Variants in CPED1 observed in about 807,000 individuals in gnomAD.
CPED1 encodes the protein cadherin-like and PC-esterase domain-containing protein 1.
CPED1 carries 114 observed loss-of-function variants against 128.2 expected under a neutral mutation model. The ratio of observed to expected loss-of-function variants is 0.89; its 90% confidence interval spans 0.76 to 1.04. CPED1 has a LOEUF of 1.04. CPED1 is among the 50% of genes least tolerant of loss of function. The probability of loss-of-function intolerance (pLI) is 0.00; values close to 1 mark genes in which losing one functional copy is unlikely to be tolerated. For missense variants in CPED1, 1,211 were observed against 1,207.1 expected (o/e 1.00, Z -0.05); for synonymous variants, 462 against 426.7 (o/e 1.08, Z -1.02).
chr7:121,037,980 T>C (rs1792943665), intron 3 of CPED1, among the ~76,000 whole-genome samples: 1 of 152,180 alleles, frequency 6.6e-6, no homozygotes, highest in African/African-American at 2.4e-5. Flanking sequence ...TTTGTGTACA[T>C]TAATTTTGTA....
intron 4 of CPED1, chr7:121,051,361 T>C (rs1793348241): frequency 7.7e-6 from 3 of 391,444 alleles, no homozygotes; most frequent in Admixed American, 8.6e-5. Context: ...ATTTTTTAAA[T>C]GTAAATGCCT....
At chr7:121,092,748 C>G (rs1271325297) in intron 5 of CPED1, among the ~76,000 whole-genome samples, 1 of 152,146 alleles carries the variant, frequency 6.6e-6, no homozygotes, top group Non-Finnish European at 1.5e-5. Context: ...GAGCCTCACT[C>G]AAATGAAATT....
intron 16 of CPED1, among the ~76,000 whole-genome samples, chr7:121,209,053 T>C (rs2116587403): frequency 6.6e-6 from 1 of 152,170 alleles, no homozygotes; most frequent in East Asian, 1.9e-4. Flanking sequence ...TTGTTGTTGT[T>C]GTTGTGCCAG....
intron 22 of CPED1, among the ~76,000 whole-genome samples, chr7:121,293,072 T>C (rs1189951168): frequency 6.6e-6 from 1 of 152,148 alleles, no homozygotes; most frequent in Non-Finnish European, 1.5e-5. Flanking sequence ...TCTGCTCTCT[T>C]CGGAGCCAGC....
chr7:121,074,889 A>G (rs117053380), intron 5 of CPED1, among the ~76,000 whole-genome samples: 2,283 of 152,280 alleles, frequency 0.015, 34 homozygotes, highest in Non-Finnish European at 0.022. Flanking sequence ...AAAAAATGCA[A>G]TGTTTTCACA....
intron 3 of CPED1, among the ~76,000 whole-genome samples, chr7:121,017,600 T>G (rs1792334282): frequency 6.6e-6 from 1 of 152,206 alleles, no homozygotes. Flanking sequence ...TTTCTAAAAT[T>G]CCTATATTTC....
intron 3 of CPED1, among the ~76,000 whole-genome samples, chr7:121,041,900 T>C (rs1793064016): frequency 6.6e-6 from 1 of 152,142 alleles, no homozygotes; most frequent in African/African-American, 2.4e-5. Flanking sequence ...TTTCATCTTT[T>C]CCAGAGATAA....
intron 5 of CPED1, among the ~76,000 whole-genome samples, chr7:121,066,344 G>A (rs180857067): frequency 2.3e-4 from 35 of 151,962 alleles, no homozygotes; most frequent in Middle Eastern, 3.5e-3. Flanking sequence ...TCCACAAAGT[G>A]GGGTTAAGAA....
At chr7:121,183,500 A>T (rs1022813455) in intron 16 of CPED1, among the ~76,000 whole-genome samples, 1 of 152,162 alleles carries the variant, frequency 6.6e-6, no homozygotes, top group African/African-American at 2.4e-5. Flanking sequence ...TAGATGACTG[A>T]CAGTCTTCTG....
At chr7:121,010,528 C>T (rs573996509) in intron 2 of CPED1, among the ~76,000 whole-genome samples, 5 of 152,292 alleles carry the variant, frequency 3.3e-5, no homozygotes, top group South Asian at 2.1e-4. Context: ...GGATTACAGG[C>T]GTGAGCCACC....
chr7:121,059,844 C>T (rs1196310675), intron 4 of CPED1, among the ~76,000 whole-genome samples: 2 of 152,224 alleles, frequency 1.3e-5, no homozygotes, highest in Non-Finnish European at 2.9e-5. Flanking sequence ...CTCGGCGCCT[C>T]CTCTGCCTGG....
At chr7:121,175,740 A>G (rs943565093) in intron 16 of CPED1, among the ~76,000 whole-genome samples, 3 of 152,158 alleles carry the variant, frequency 2.0e-5, no homozygotes, top group South Asian at 2.1e-4. Flanking sequence ...AAGTTAAAAT[A>G]AACTTTGAAT....
intron 2 of CPED1, among the ~76,000 whole-genome samples, chr7:121,013,575 A>G (rs1364396291): frequency 6.6e-6 from 1 of 152,222 alleles, no homozygotes; most frequent in Admixed American, 6.5e-5. Context: ...CATAGCAGGC[A>G]TGGTCCTGAG....
At chr7:121,139,873 G>T (rs1385596164) in intron 14 of CPED1, among the ~76,000 whole-genome samples, 1 of 151,884 alleles carries the variant, frequency 6.6e-6, no homozygotes, top group Non-Finnish European at 1.5e-5. Flanking sequence ...AACATTTTAT[G>T]TAAGGCAACA....
At chr7:121,162,232 C>T (rs1390449932) in intron 16 of CPED1, among the ~76,000 whole-genome samples, 1 of 152,204 alleles carries the variant, frequency 6.6e-6, no homozygotes, top group African/African-American at 2.4e-5. Context: ...ATGTGAACAG[C>T]AACTGCTCAG....
At chr7:121,039,782 A>G (rs928085001) in intron 3 of CPED1, among the ~76,000 whole-genome samples, 6 of 152,096 alleles carry the variant, frequency 3.9e-5, no homozygotes, top group Admixed American at 2.0e-4. Context: ...TAAAGTGAAC[A>G]TTTCTTAAAG....
intron 22 of CPED1, among the ~76,000 whole-genome samples, chr7:121,277,817 C>T (rs1252037048): frequency 6.6e-6 from 1 of 152,104 alleles, no homozygotes; most frequent in Non-Finnish European, 1.5e-5. Flanking sequence ...CTCCTGGAAA[C>T]ACCAATATTT....
chr7:121,004,351 T>C (rs1038147257), intron 2 of CPED1, among the ~76,000 whole-genome samples: 5 of 152,308 alleles, frequency 3.3e-5, no homozygotes, highest in Non-Finnish European at 7.4e-5. Flanking sequence ...GGTGACTGGA[T>C]AGGCAGTGGA....
intron 18 of CPED1, chr7:121,261,910 A>G: frequency 1.8e-6 from 1 of 566,388 alleles, no homozygotes; most frequent in Non-Finnish European, 3.1e-6. Flanking sequence ...CCATTTTATA[A>G]TAAGCCTATT....
Sources: allele counts gnomAD v4.1 joint callset (sites outside exome capture counted in the v4.1 genomes callset), GRCh38; gene constraint gnomAD v4.1.1; transcripts MANE v1.5; gene names NCBI Gene and HGNC (gene_info 2026-07-23, HGNC 2026-07-21).